FHIT: variants seen among roughly 807,000 people sequenced by gnomAD.
FHIT encodes the protein bis(5'-adenosyl)-triphosphatase.
FHIT carries 19 observed loss-of-function variants against 17.9 expected under a neutral mutation model. The observed-to-expected ratio is 1.06, with a 90% CI of 0.74 to 1.56. FHIT has a LOEUF of 1.56. Among genes scored for constraint, FHIT ranks in the 40% most tolerant of loss-of-function variants. The pLI, the probability that FHIT is intolerant of heterozygous loss-of-function variation, is 0.00. For missense variants in FHIT, 248 were observed against 189.2 expected, an observed-to-expected ratio of 1.31 and a Z score of -1.82; for synonymous variants, 81 against 69.7, an observed-to-expected ratio of 1.16 and a Z score of -0.81.
At chr3:60,862,498 A>T (rs1703958966) in intron 3 of FHIT, among the ~76,000 whole-genome samples, 1 of 152,100 alleles carries the variant, frequency 6.6e-6, no homozygotes, top group Admixed American at 6.6e-5. Flanking sequence ...AAACAGCTTA[A>T]ACACAGTCAT....
chr3:60,111,427 A>G (rs1471208507), intron 5 of FHIT, among the ~76,000 whole-genome samples: 1 of 152,196 alleles, frequency 6.6e-6, no homozygotes, highest in Non-Finnish European at 1.5e-5. Flanking sequence ...AGATCCCTCT[A>G]AAACCACTGA....
chr3:61,071,522 T>C (rs2034806398), intron 2 of FHIT, among the ~76,000 whole-genome samples: 1 of 152,212 alleles, frequency 6.6e-6, no homozygotes, highest in Non-Finnish European at 1.5e-5. Flanking sequence ...ACCTTTCTAA[T>C]ATATTTTGTT....
At chr3:61,017,905 A>C (rs772423986) in intron 3 of FHIT, among the ~76,000 whole-genome samples, 2 of 152,218 alleles carry the variant, frequency 1.3e-5, no homozygotes, top group Non-Finnish European at 2.9e-5. Context: ...AACAAATCAA[A>C]TTTCAAAGTT....
intron 5 of FHIT, among the ~76,000 whole-genome samples, chr3:60,405,595 C>T (rs147374515): frequency 9.2e-5 from 14 of 152,328 alleles, no homozygotes; most frequent in Admixed American, 2.0e-4. Context: ...CTGGGCAGGG[C>T]GCCCCCTGTG....
chr3:60,754,333 A>T (rs1416799723), intron 4 of FHIT, among the ~76,000 whole-genome samples: 1 of 152,224 alleles, frequency 6.6e-6, no homozygotes, highest in Non-Finnish European at 1.5e-5. Context: ...CAGAGATATC[A>T]TCTTAAGCGT....
intron 4 of FHIT, among the ~76,000 whole-genome samples, chr3:60,709,083 CTG>C (rs2041449346): frequency 6.6e-6 from 1 of 152,158 alleles, no homozygotes; most frequent in Non-Finnish European, 1.5e-5. Flanking sequence ...CTCCTAAAAA[CTG>C]TGGAAGGCCC....
intron 5 of FHIT, among the ~76,000 whole-genome samples, chr3:60,242,298 T>C (rs2107575277): frequency 6.6e-6 from 1 of 152,212 alleles, no homozygotes; most frequent in South Asian, 2.1e-4. Flanking sequence ...TTGTTTAAAA[T>C]CCTATAATAT....
At chr3:60,783,553 T>C (rs1553726175) in intron 4 of FHIT, among the ~76,000 whole-genome samples, 1 of 152,210 alleles carries the variant, frequency 6.6e-6, no homozygotes, top group African/African-American at 2.4e-5. Context: ...TTTAATTTTG[T>C]AAAAATTGTC....
chr3:61,191,577 A>G (rs779536536), intron 2 of FHIT, among the ~76,000 whole-genome samples: 9 of 152,218 alleles, frequency 5.9e-5, no homozygotes, highest in Non-Finnish European at 1.0e-4. Flanking sequence ...GACTAGTATA[A>G]GCCCCAGTTT....
At chr3:60,945,631 T>G (rs1457408927) in intron 3 of FHIT, among the ~76,000 whole-genome samples, 1 of 152,128 alleles carries the variant, frequency 6.6e-6, no homozygotes, top group African/African-American at 2.4e-5. Context: ...TGACATCAAG[T>G]GATCCACCCG....
At chr3:59,887,892 T>G (rs915022825) in intron 8 of FHIT, among the ~76,000 whole-genome samples, 1 of 152,206 alleles carries the variant, frequency 6.6e-6, no homozygotes, top group Admixed American at 6.5e-5. Flanking sequence ...GGTCTCTCCC[T>G]GGATTTTATG....
chr3:60,334,909 C>T (rs1353897731), intron 5 of FHIT, among the ~76,000 whole-genome samples: 1 of 152,140 alleles, frequency 6.6e-6, no homozygotes, highest in African/African-American at 2.4e-5. Flanking sequence ...AATTGTATGG[C>T]TATAGTATAT....
At chr3:61,165,215 A>C (rs925813532) in intron 2 of FHIT, among the ~76,000 whole-genome samples, 5 of 152,192 alleles carry the variant, frequency 3.3e-5, no homozygotes, top group Non-Finnish European at 7.3e-5. Context: ...GAAATCTCCA[A>C]ACTGCTTTCC....
chr3:60,910,061 G>A (rs1353336695), intron 3 of FHIT, among the ~76,000 whole-genome samples: 1 of 152,082 alleles, frequency 6.6e-6, no homozygotes, highest in Admixed American at 6.5e-5. Context: ...TTCCTTTAAT[G>A]CACTGTCCCG....
chr3:60,954,456 G>C (rs1183982553), intron 3 of FHIT, among the ~76,000 whole-genome samples: 1 of 152,166 alleles, frequency 6.6e-6, no homozygotes, highest in African/African-American at 2.4e-5. Context: ...TGCTACTCTA[G>C]TTATTTTAAA....
chr3:60,158,443 C>G (rs1158867409), intron 5 of FHIT, among the ~76,000 whole-genome samples: 1 of 152,148 alleles, frequency 6.6e-6, no homozygotes, highest in East Asian at 1.9e-4. Flanking sequence ...TCCTGAGTAA[C>G]TAGGATTACA....
chr3:60,283,814 A>C (rs12497746), intron 5 of FHIT, among the ~76,000 whole-genome samples: 37,891 of 151,834 alleles, frequency 0.25, 5,490 homozygotes, highest in East Asian at 0.7. Flanking sequence ...AGTGCACCGA[A>C]AGAGGTAAAA....
rs189782981 is a variant in FHIT, at chr3:60,586,537, C to T, written c.-17-49558G>A. The stretch of plus-strand genomic sequence containing the variant: ...AATCATTCTACCATAAAGACACATG[C>T]ACAAGTATGTTCACTGCAGCACTAT... On this transcript the variant is annotated intron_variant, in intron 4 of 9. Transcript: ENST00000492590. Among the ~76,000 whole-genome samples, 274 of 152,136 alleles carry T rather than the reference C, an allele frequency of 1.8e-3. 2 individuals are homozygous for T. The highest frequency in any genetic ancestry group is 6.4e-3 in the African/African-American group (266 of 41,528).
At chr3:60,146,687 C>A (rs539177921) in intron 5 of FHIT, among the ~76,000 whole-genome samples, 60 of 152,204 alleles carry the variant, frequency 3.9e-4, no homozygotes, top group African/African-American at 1.4e-3. Flanking sequence ...GTGTAGCCCT[C>A]CTAAGAAAGA....
Sources: allele counts gnomAD v4.1 joint callset (sites outside exome capture counted in the v4.1 genomes callset), GRCh38; gene constraint gnomAD v4.1.1; transcripts MANE v1.5; gene names NCBI Gene and HGNC (gene_info 2026-07-23, HGNC 2026-07-21).